The following CA10 variants were observed in gnomAD, a reference collection of about 807,000 sequenced individuals.
CA10 encodes the protein carbonic anhydrase-related protein 10.
CA10 carries 14 observed loss-of-function variants against 44.2 expected under a neutral mutation model. That is an observed-to-expected ratio of 0.32 (90% CI 0.21 to 0.50). The LOEUF (loss-of-function observed/expected upper bound fraction) is 0.50. Among genes scored for constraint, CA10 ranks in the 20% least tolerant of loss-of-function variants. The pLI is 0.99. For synonymous variants in CA10, 159 were observed against 141.6 expected (o/e 1.12, Z -0.87); for missense variants, 350 against 409.7 (o/e 0.85, Z 1.26).
At chr17:51,760,897 A>G (rs931389075) in intron 3 of CA10, among the ~76,000 whole-genome samples, 9 of 152,232 alleles carry the variant, frequency 5.9e-5, no homozygotes, top group Non-Finnish European at 1.0e-4. Context: ...TAATCGATAT[A>G]ATAATTATGA....
intron 2 of CA10, among the ~76,000 whole-genome samples, chr17:52,019,434 G>A (rs554968120): frequency 3.1e-4 from 47 of 152,036 alleles, no homozygotes; most frequent in South Asian, 1.0e-3. Flanking sequence ...CACCCTCTCC[G>A]AATACTGGGA....
At chr17:51,663,870 A>G (rs1240429942) in intron 4 of CA10, among the ~76,000 whole-genome samples, 1 of 152,220 alleles carries the variant, frequency 6.6e-6, no homozygotes, top group African/African-American at 2.4e-5. Context: ...TCACATTTGC[A>G]TCTTACTTTA....
At chr17:51,948,161 C>G (rs572660069) in intron 2 of CA10, among the ~76,000 whole-genome samples, 3 of 152,134 alleles carry the variant, frequency 2.0e-5, no homozygotes, top group Admixed American at 6.5e-5. Flanking sequence ...AAGACTGCCA[C>G]CCCTGTGAGG....
intron 2 of CA10, among the ~76,000 whole-genome samples, chr17:52,053,547 T>C (rs1987137688): frequency 6.6e-6 from 1 of 152,034 alleles, no homozygotes; most frequent in Non-Finnish European, 1.5e-5. Flanking sequence ...GATATAATTG[T>C]CAAAATTTAA....
chr17:51,669,195 C>T (rs1914319759), intron 4 of CA10, among the ~76,000 whole-genome samples: 1 of 152,244 alleles, frequency 6.6e-6, no homozygotes, highest in South Asian at 2.1e-4. Context: ...GCAAAGCCAG[C>T]TGGGCTCCTG....
chr17:51,676,567 T>C (rs1914631341), intron 4 of CA10, among the ~76,000 whole-genome samples: 1 of 152,232 alleles, frequency 6.6e-6, no homozygotes, highest in South Asian at 2.1e-4. Flanking sequence ...TACTCAAGAC[T>C]GAGAAGCTCC....
At chr17:51,767,451 G>A (rs2143649375) in intron 3 of CA10, among the ~76,000 whole-genome samples, 1 of 152,222 alleles carries the variant, frequency 6.6e-6, no homozygotes, top group Admixed American at 6.5e-5. Flanking sequence ...CCCTAATGTT[G>A]ACATCTTATG....
intron 3 of CA10, among the ~76,000 whole-genome samples, chr17:51,801,209 G>T (rs530261733): frequency 6.6e-6 from 1 of 152,204 alleles, no homozygotes; most frequent in Non-Finnish European, 1.5e-5. Context: ...ACAGAGAAGA[G>T]AGTGTAAAAC....
chr17:51,897,475 G>A (rs1028147103), intron 3 of CA10, among the ~76,000 whole-genome samples: 2 of 152,106 alleles, frequency 1.3e-5, no homozygotes, highest in Admixed American at 6.6e-5. Flanking sequence ...TAGCCTTGTA[G>A]TATAATTTGA....
intron 2 of CA10, among the ~76,000 whole-genome samples, chr17:52,066,989 T>A (rs2143116595): frequency 6.6e-6 from 1 of 152,360 alleles, no homozygotes; most frequent in South Asian, 2.1e-4. Context: ...AAGCAGAGCA[T>A]AAAAGTTTGG....
intron 2 of CA10, among the ~76,000 whole-genome samples, chr17:52,018,909 C>T (rs1365325057): frequency 6.6e-6 from 1 of 151,972 alleles, no homozygotes; most frequent in African/African-American, 2.4e-5. Context: ...GGTGCTGTCC[C>T]CATGATAATG....
At chr17:51,952,229 G>T (rs1207235005) in intron 2 of CA10, among the ~76,000 whole-genome samples, 1 of 152,138 alleles carries the variant, frequency 6.6e-6, no homozygotes, top group Non-Finnish European at 1.5e-5. Context: ...TGCTAAAGCT[G>T]CTATAACAAG....
At chr17:51,716,805 T>G (rs1916127770) in intron 4 of CA10, among the ~76,000 whole-genome samples, 1 of 152,232 alleles carries the variant, frequency 6.6e-6, no homozygotes, top group African/African-American at 2.4e-5. Context: ...GACCTATTAC[T>G]GAACAATGAT....
chr17:51,932,227 G>A (rs1982694698), intron 2 of CA10, among the ~76,000 whole-genome samples: 1 of 152,108 alleles, frequency 6.6e-6, no homozygotes, highest in Non-Finnish European at 1.5e-5. Context: ...TAGAGGGGAG[G>A]CAGGGAGTGA....
chr17:52,051,106 AG>A, intron 2 of CA10, among the ~76,000 whole-genome samples: 1 of 88,896 alleles, frequency 1.1e-5, no homozygotes, highest in Admixed American at 1.5e-4. Flanking sequence ...GGAGGAAGGA[AG>A]GAAGAAGAAA....
intron 4 of CA10, among the ~76,000 whole-genome samples, chr17:51,685,911 C>CT (rs1914992971): frequency 6.6e-6 from 1 of 152,224 alleles, no homozygotes; most frequent in Non-Finnish European, 1.5e-5. Flanking sequence ...TCAATGCTGG[C>CT]TGTTGCTGCT....
In CA10 at chr17:51,633,746, T is replaced by A. The variant is rs1235235270; in HGVS notation, c.790-96A>T. ...GAGACTCTGGCCAAGCTAGGTGGTA[T>A]TGGCTGTATGAGGAAAGGGCTGTAT... is the stretch of plus-strand genomic sequence containing the variant. On this transcript the variant is annotated intron_variant, in intron 7 of 8. Transcript: ENST00000451037. 4 of 1,367,328 alleles carry A rather than the reference T, an allele frequency of 2.9e-6. No individual in the cohort carries two copies. In the East Asian group the frequency reaches 9.3e-5, roughly 32 times the overall value. 84.7% of individuals were successfully genotyped at this position (1,367,328 alleles called of 1,614,324 possible). A position where few individuals can be genotyped will look rare whatever the true frequency, so the allele number is the denominator to read the frequency against.
At chr17:51,655,701 A>G (rs189032772) in intron 4 of CA10, among the ~76,000 whole-genome samples, 112 of 152,264 alleles carry the variant, frequency 7.4e-4, no homozygotes, top group Non-Finnish European at 1.4e-3. Context: ...AACATAATCA[A>G]TGAACATTAA....
intron 2 of CA10, among the ~76,000 whole-genome samples, chr17:52,027,665 C>T (rs1414362455): frequency 6.6e-6 from 1 of 152,144 alleles, no homozygotes; most frequent in Non-Finnish European, 1.5e-5. Context: ...TTCAGGAGAC[C>T]TCATTCCCTT....
Sources: allele counts gnomAD v4.1 joint callset (sites outside exome capture counted in the v4.1 genomes callset), GRCh38; gene constraint gnomAD v4.1.1; transcripts MANE v1.5; gene names NCBI Gene and HGNC (gene_info 2026-07-23, HGNC 2026-07-21).